Variants in ERC1 observed in about 807,000 individuals in gnomAD.
ERC1 encodes the protein RAB6 interacting protein 2.
A neutral mutation model predicts 132.0 loss-of-function variants in ERC1; 56 were observed. That is an observed-to-expected ratio of 0.42 (90% CI 0.34 to 0.53). ERC1 has a LOEUF of 0.53. ERC1 is among the 20% of genes least tolerant of loss of function. The pLI, the probability that ERC1 is intolerant of heterozygous loss-of-function variation, is 0.03. For synonymous variants in ERC1, 478 were observed against 476.1 expected, an observed-to-expected ratio of 1.00 and a Z score of -0.05; for missense variants, 1,202 against 1,349.9, an observed-to-expected ratio of 0.89 and a Z score of 1.72.
chr12:1,244,813 C>A, intron 13 of ERC1: 1 of 214,546 alleles, frequency 4.7e-6, no homozygotes, highest in East Asian at 1.4e-4. Context: ...ACCAGCACAC[C>A]TGGCCTTATA....
chr12:1,011,285 G>A (rs1299650832), intron 1 of ERC1, among the ~76,000 whole-genome samples: 5 of 152,122 alleles, frequency 3.3e-5, no homozygotes. Context: ...TCTCACAGCA[G>A]CCTTGACCTT....
intron 14 of ERC1, 103 bp from the exon 15 acceptor site, chr12:1,289,749 G>A (rs1050089583): frequency 6.2e-6 from 5 of 807,268 alleles, no homozygotes; most frequent in Non-Finnish European, 1.0e-5. Context: ...ATGTGTTCCT[G>A]CGTCTCTTCA....
rs943145605 is a variant in ERC1, at chr12:1,424,893, G to A, written c.3024+16646G>A. ...AGATAGATAGATAGATAGATAGATA[G>A]ATAGATAGATAGATAGATAATCTGT... is the stretch of plus-strand genomic sequence containing the variant. On this transcript the variant is annotated intron_variant, in intron 17 of 18. Coordinates refer to ENST00000360905, the MANE Select transcript of ERC1 (RefSeq NM_178040.4). Among the ~76,000 whole-genome samples the A allele has an allele frequency of 3.4e-5, 5 of 148,260 alleles. No individual in the cohort carries two copies. The East Asian group carries it at 9.7e-4, about 29-fold the overall frequency.
chr12:1,237,499 A>G (rs2075498243), intron 13 of ERC1, among the ~76,000 whole-genome samples: 1 of 152,230 alleles, frequency 6.6e-6, no homozygotes, highest in Admixed American at 6.5e-5. Context: ...AGTAGCAGCT[A>G]CCATATTATA....
At chr12:1,004,690 C>T (rs1389617402) in intron 1 of ERC1, among the ~76,000 whole-genome samples, 1 of 151,836 alleles carries the variant, frequency 6.6e-6, no homozygotes, top group Non-Finnish European at 1.5e-5. Flanking sequence ...CAGGTGTGAG[C>T]CACCATGCTC....
chr12:1,083,043 G>A, intron 2 of ERC1, 121 bp from the exon 3 acceptor site: 1 of 788,476 alleles, frequency 1.3e-6, no homozygotes, highest in Non-Finnish European at 2.1e-6. Flanking sequence ...ACAGAATAAG[G>A]TGAATCCTAA....
At chr12:1,204,492 T>G in intron 12 of ERC1, 1 of 1,588,772 alleles carries the variant, frequency 6.3e-7, no homozygotes, top group Non-Finnish European at 8.5e-7. Flanking sequence ...GATTTCCTGT[T>G]TCCTTCAGTC....
intron 13 of ERC1, among the ~76,000 whole-genome samples, chr12:1,239,918 A>C (rs1418926391): frequency 7.9e-5 from 12 of 152,188 alleles, no homozygotes; most frequent in Non-Finnish European, 2.9e-5. Context: ...AGTTTGGGGA[A>C]AGCCCCATGA....
rs576341127 is a variant in ERC1 at position 1,351,855 on chromosome 12, T to C, written c.2781-19978T>C. Reference sequence around the variant, plus strand: ...TAACAGTCCTTTATCAAATGTATCTTTTGCAAGTATTTTCTCCCATTCTGT... The same window carrying C: ...TAACAGTCCTTTATCAAATGTATCTCTTGCAAGTATTTTCTCCCATTCTGT... On this transcript the variant is annotated intron_variant, in intron 15 of 18. Transcript: ENST00000360905. Among the ~76,000 whole-genome samples, 122 of 152,292 alleles carry C rather than the reference T, an allele frequency of 8.0e-4. 1 individual carries two copies. Among genetic ancestry groups the C allele is most frequent in the African/African-American group, 2.8e-3 (117 of 41,560 alleles).
intron 7 of ERC1, among the ~76,000 whole-genome samples, chr12:1,122,563 C>CCTATTGATA (rs1947618913): frequency 2.6e-4 from 5 of 19,434 alleles, no homozygotes; most frequent in Non-Finnish European, 5.1e-4. Flanking sequence ...ATCTCTATCT[C>CCTATTGATA]TATCTGTGTC....
At chr12:1,471,246 G>A (rs930665812) in intron 18 of ERC1, among the ~76,000 whole-genome samples, 4 of 152,154 alleles carry the variant, frequency 2.6e-5, no homozygotes, top group Non-Finnish European at 4.4e-5. Context: ...GCAACACAGC[G>A]AGACCCTTTC....
chr12:1,106,821 A>T (rs1377487889), intron 4 of ERC1, among the ~76,000 whole-genome samples: 1 of 152,212 alleles, frequency 6.6e-6, no homozygotes, highest in Non-Finnish European at 1.5e-5. Context: ...TAATAGTATT[A>T]CTTGGTGGCA....
chr12:1,215,699 T>C (rs530911171), intron 12 of ERC1, among the ~76,000 whole-genome samples: 1 of 152,080 alleles, frequency 6.6e-6, no homozygotes, highest in Admixed American at 6.6e-5. Flanking sequence ...GCAGAATGAG[T>C]GCATGTATGC....
chr12:1,405,114 T>A (rs1387392321), intron 16 of ERC1, among the ~76,000 whole-genome samples: 1 of 150,500 alleles, frequency 6.6e-6, no homozygotes, highest in African/African-American at 2.5e-5. Context: ...CATTCCAGCC[T>A]GGGCAAGAGA....
At chr12:1,246,896 T>C (rs2076187687) in intron 13 of ERC1, among the ~76,000 whole-genome samples, 1 of 152,240 alleles carries the variant, frequency 6.6e-6, no homozygotes, top group African/African-American at 2.4e-5. Context: ...ACTGAGCAGT[T>C]ACAGATGTAT....
intron 12 of ERC1, among the ~76,000 whole-genome samples, chr12:1,214,890 A>G (rs908753806): frequency 2.0e-5 from 3 of 152,222 alleles, no homozygotes; most frequent in African/African-American, 7.2e-5. Flanking sequence ...AAGATCATAT[A>G]GATAATGAAT....
intron 15 of ERC1, among the ~76,000 whole-genome samples, chr12:1,314,505 T>G (rs2081548841): frequency 6.6e-6 from 1 of 152,104 alleles, no homozygotes; most frequent in Non-Finnish European, 1.5e-5. Context: ...TTATCAAAGG[T>G]TTTAAAAAAT....
At chr12:1,375,338 T>C (rs552718816) in intron 16 of ERC1, among the ~76,000 whole-genome samples, 1 of 152,272 alleles carries the variant, frequency 6.6e-6, no homozygotes, top group Non-Finnish European at 1.5e-5. Context: ...GAACTCACTA[T>C]CTTAACAGCA....
At chr12:1,094,686 G>A (rs10734996) in intron 3 of ERC1, among the ~76,000 whole-genome samples, 150,088 of 152,312 alleles carry the variant, frequency 0.99, 73,991 homozygotes, top group East Asian at 1. Flanking sequence ...CTAGGATTAC[G>A]GACGTGAGCC....
Sources: gnomAD v4.1 joint callset for allele counts (sites outside exome capture counted in the v4.1 genomes callset) on GRCh38, gnomAD v4.1.1 for gene constraint, MANE v1.5 for transcripts, NCBI Gene and HGNC (gene_info 2026-07-23, HGNC 2026-07-21) for gene names.